RYR2: variants seen among roughly 807,000 people sequenced by gnomAD.
The protein encoded by RYR2 is cardiac muscle ryanodine receptor-calcium release channel.
A neutral mutation model predicts 601.1 loss-of-function variants in RYR2; 227 were observed. The observed-to-expected ratio is 0.38, with a 90% CI of 0.34 to 0.42. The LOEUF is 0.42. RYR2 is among the 10% of genes least tolerant of loss of function. The probability of loss-of-function intolerance (pLI) is 1.00; values close to 1 mark genes in which losing one functional copy is unlikely to be tolerated. For synonymous variants in RYR2, 2,223 were observed against 2,175.1 expected (o/e 1.02, Z -0.61); for missense variants, 4,646 against 6,156.5 (o/e 0.75, Z 8.21).
intron 1 of RYR2, among the ~76,000 whole-genome samples, chr1:237,159,058 C>T (rs377249091): frequency 3.9e-4 from 59 of 152,234 alleles, no homozygotes; most frequent in African/African-American, 1.3e-3. Flanking sequence ...TTTGGGAGGC[C>T]GAGGCGGGCG....
At chr1:237,693,798 T>C (rs1042742381) in intron 63 of RYR2, among the ~76,000 whole-genome samples, 3 of 152,238 alleles carry the variant, frequency 2.0e-5, no homozygotes, top group Non-Finnish European at 4.4e-5. Context: ...CAATGGAGCC[T>C]ATCAACTCTT....
chr1:237,280,721 G>A (rs1000568075), intron 2 of RYR2, among the ~76,000 whole-genome samples: 1 of 151,638 alleles, frequency 6.6e-6, no homozygotes, highest in Non-Finnish European at 1.5e-5. Context: ...AATTGGACCT[G>A]AATGGAACTG....
At chr1:237,623,708 G>T in intron 38 of RYR2, 57 bp from the exon 39 acceptor site, 8 of 1,188,768 alleles carry the variant, frequency 6.7e-6, no homozygotes, top group Non-Finnish European at 1.0e-5. Flanking sequence ...TGCCATTCTT[G>T]AATTCACCTT....
chr1:237,185,424 T>C (rs77928911), intron 1 of RYR2, among the ~76,000 whole-genome samples: 4,478 of 152,330 alleles, frequency 0.029, 74 homozygotes, highest in Non-Finnish European at 0.04. Context: ...TTGTGCTCCA[T>C]ATATCTAAAA....
intron 17 of RYR2, among the ~76,000 whole-genome samples, chr1:237,473,825 C>T (rs892764926): frequency 4.0e-5 from 6 of 151,418 alleles, no homozygotes; most frequent in Non-Finnish European, 4.4e-5. Flanking sequence ...ACTCAACCGA[C>T]GGAGATACTG....
In RYR2 at chr1:237,723,279, A is replaced by G. The variant is rs1689902497; in HGVS notation, c.10689+17A>G. 12 of 1,598,462 alleles carry G rather than the reference A, an allele frequency of 7.5e-6. No homozygotes were observed. The East Asian group carries it at 2.7e-4, about 36-fold the overall frequency. On this transcript the variant is annotated intron_variant, in intron 74 of 104. Coordinates refer to ENST00000366574, the MANE Select transcript of RYR2 (RefSeq NM_001035.3). Reference sequence around the variant, plus strand: ...CTTGAACAGGTCAGGCTTTGTGTCAATTCAATCATATTTGCCTTAGCCACA... The same window carrying G: ...CTTGAACAGGTCAGGCTTTGTGTCAGTTCAATCATATTTGCCTTAGCCACA...
intron 4 of RYR2, among the ~76,000 whole-genome samples, chr1:237,363,587 A>C (rs1699961492): frequency 6.6e-6 from 1 of 152,114 alleles, no homozygotes; most frequent in South Asian, 2.1e-4. Context: ...TAAGTTTGGA[A>C]ATATATCATT....
At chr1:237,399,734 A>G (rs1378130420) in intron 10 of RYR2, among the ~76,000 whole-genome samples, 1 of 152,080 alleles carries the variant, frequency 6.6e-6, no homozygotes, top group Non-Finnish European at 1.5e-5. Flanking sequence ...GGCTACTTGT[A>G]CATATTTTCC....
At chr1:237,545,474 C>G (rs534301298) in intron 25 of RYR2, among the ~76,000 whole-genome samples, 1 of 152,142 alleles carries the variant, frequency 6.6e-6, no homozygotes, top group Non-Finnish European at 1.5e-5. Context: ...AGGTGGATAT[C>G]GAAACTTCAT....
intron 1 of RYR2, among the ~76,000 whole-genome samples, chr1:237,262,245 G>GTTTTTTTTTCT (rs1688601552): frequency 1.6e-5 from 1 of 61,106 alleles, no homozygotes; most frequent in Non-Finnish European, 2.8e-5. Context: ...GTTCTAAAGA[G>GTTTTTTTTTCT]TTTTTTTTTT....
rs1029317867 is a variant in RYR2 at position 237,550,528 on chromosome 1, C to T, written c.3067-16C>T. 2 of 1,606,208 alleles carry T rather than the reference C, an allele frequency of 1.2e-6. No homozygotes were observed. The highest frequency in any genetic ancestry group is 2.2e-5 in the South Asian group (2 of 89,314). On this transcript the variant is annotated splice_polypyrimidine_tract_variant and intron_variant, in intron 26 of 104. Coordinates refer to ENST00000366574, the MANE Select transcript of RYR2 (RefSeq NM_001035.3). ...TTGGTATTGCTTTGACGGCTGCACC[C>T]TGTGTTTTCCTGCAGGACGTAAAGA...
chr1:237,492,835 G>GGAAA (rs1663531116), intron 18 of RYR2, 119 bp from the exon 19 acceptor site: 1 of 840,970 alleles, frequency 1.2e-6, no homozygotes, highest in African/African-American at 2.6e-5. Flanking sequence ...AAGGAAGGAA[G>GGAAA]GAAGGAAGGA....
chr1:237,565,998 C>T (rs956717959), intron 27 of RYR2, among the ~76,000 whole-genome samples: 8 of 152,224 alleles, frequency 5.3e-5, no homozygotes, highest in Admixed American at 4.6e-4. Context: ...AAGATGTATG[C>T]GAGAATGGAA....
At chr1:237,220,423 G>C (rs1572248849) in intron 1 of RYR2, among the ~76,000 whole-genome samples, 1 of 152,180 alleles carries the variant, frequency 6.6e-6, no homozygotes, top group Non-Finnish European at 1.5e-5. Flanking sequence ...TTGCTTCTGA[G>C]GCTGCCAGAT....
At chr1:237,632,155 G>A (rs1405438363) in intron 42 of RYR2, among the ~76,000 whole-genome samples, 1 of 151,646 alleles carries the variant, frequency 6.6e-6, no homozygotes, top group Non-Finnish European at 1.5e-5. Flanking sequence ...TCTCATTTAG[G>A]GGATATTTAG....
chr1:237,630,852 G>A (rs1292901939), intron 41 of RYR2, among the ~76,000 whole-genome samples: 2 of 152,132 alleles, frequency 1.3e-5, no homozygotes, highest in Non-Finnish European at 2.9e-5. Flanking sequence ...GTTTTAATGA[G>A]TTAGATTACT....
At chr1:237,584,148 G>A (rs138626358) in intron 29 of RYR2, among the ~76,000 whole-genome samples, 4 of 152,296 alleles carry the variant, frequency 2.6e-5, no homozygotes, top group Non-Finnish European at 2.9e-5. Context: ...GGACAGGAAG[G>A]TGGGACCCAT....
At chr1:237,576,398 A>G (rs1329942402) in intron 29 of RYR2, among the ~76,000 whole-genome samples, 1 of 152,190 alleles carries the variant, frequency 6.6e-6, no homozygotes. Context: ...TGTTGTAGGG[A>G]TAGACAAATT....
At position 237,625,669 on chromosome 1, in the gene RYR2, C is replaced by G. The variant is rs751426174; in HGVS notation, c.6031C>G (p.Leu2011Val). The G allele has an allele frequency of 7.4e-6, 12 of 1,612,510 alleles. No homozygotes were observed. Among genetic ancestry groups the G allele is most frequent in the Non-Finnish European group, 1.0e-5 (12 of 1,179,296 alleles). ...EDLMTHCGIELDEDGSLDGNS... is the reference protein window; with the variant it reads ...EDLMTHCGIEVDEDGSLDGNS... ...CTGTTTTTTTATACTAGGAATTGAGCTGGATGAAGATGGGTCTCTGGATGG... is the reference window on the plus strand; with the variant it reads ...CTGTTTTTTTATACTAGGAATTGAGGTGGATGAAGATGGGTCTCTGGATGG... The change falls in exon 40 of 105, where the codon CTG becomes GTG. Residue 2011 changes from leucine to valine, a missense_variant. Leu to Val is a conservative substitution (Grantham distance 32). Around this residue, in one of 17 missense-constraint regions of RYR2, gnomAD observed 170 missense variants for 184.5 expected, o/e 0.92. Coordinates refer to ENST00000366574, the MANE Select transcript of RYR2 (RefSeq NM_001035.3).
Sources: allele counts gnomAD v4.1 joint callset (sites outside exome capture counted in the v4.1 genomes callset), GRCh38; gene constraint gnomAD v4.1.1; regional missense constraint gnomAD v4.1.1; transcripts MANE v1.5; gene names NCBI Gene and HGNC (gene_info 2026-07-23, HGNC 2026-07-21).